Variants in MAPK6 observed in about 807,000 individuals in gnomAD.
The protein encoded by MAPK6 is ERK-3.
Under a neutral mutation model 59.3 loss-of-function variants are expected in MAPK6, and 19 were observed. That is an observed-to-expected ratio of 0.32 (90% CI 0.22 to 0.47). The LOEUF is 0.47. MAPK6 is among the 20% of genes least tolerant of loss of function. MAPK6 has a pLI of 1.00. For missense variants in MAPK6, 724 were observed against 847.9 expected (o/e 0.85, Z 1.81); for synonymous variants, 316 against 290.3 (o/e 1.09, Z -0.90).
intron 1 of MAPK6, chr15:52,035,561 T>C (rs1017205164): frequency 4.0e-5 from 6 of 151,154 alleles, no homozygotes; most frequent in African/African-American, 1.5e-4. Context: ...GAAGCGGAGG[T>C]TGCAGAGAGC....
intron 1 of MAPK6, among the ~76,000 whole-genome samples, chr15:52,023,680 C>A (rs773845105): frequency 6.6e-6 from 1 of 152,250 alleles, no homozygotes; most frequent in Non-Finnish European, 1.5e-5. Context: ...CGCGCCATCT[C>A]GGCTCACTGC....
chr15:52,041,327 G>C (rs537752360), intron 1 of MAPK6, among the ~76,000 whole-genome samples: 2 of 152,248 alleles, frequency 1.3e-5, no homozygotes, highest in South Asian at 4.1e-4. Flanking sequence ...CTCTGGAGTA[G>C]CTGGGATTAC....
rs958595265 is a variant in MAPK6 at position 52,032,013 on chromosome 15, G to A, written c.-632+12637G>A. On this transcript the variant is annotated intron_variant, in intron 1 of 5. Transcript: ENST00000261845. ...CCTCCCGGGTTCATGCCATTCTTCTGCAGCGCCCACCACCACGTCTGGCTA... is the reference window on the plus strand; with the variant it reads ...CCTCCCGGGTTCATGCCATTCTTCTACAGCGCCCACCACCACGTCTGGCTA... 9.3e-5 allele frequency among the ~76,000 whole-genome samples: 14 copies of A among 151,104 alleles called. No homozygotes were observed. The South Asian group carries it at 1.3e-3, about 14-fold the overall frequency.
At chr15:52,056,423 G>A (rs1192508493) in intron 3 of MAPK6, among the ~76,000 whole-genome samples, 1 of 151,884 alleles carries the variant, frequency 6.6e-6, no homozygotes, top group Non-Finnish European at 1.5e-5. Flanking sequence ...CTCGTTGGAT[G>A]TAAAACTTCT....
intron 1 of MAPK6, among the ~76,000 whole-genome samples, chr15:52,040,369 C>T (rs1397828247): frequency 6.6e-6 from 1 of 152,126 alleles, no homozygotes; most frequent in African/African-American, 2.4e-5. Context: ...AAATAAGAGC[C>T]TTTGTGGAGA....
intron 1 of MAPK6, among the ~76,000 whole-genome samples, chr15:52,025,281 A>C (rs140931022): frequency 2.0e-5 from 3 of 152,210 alleles, no homozygotes; most frequent in Non-Finnish European, 2.9e-5. Flanking sequence ...TGATGCATAC[A>C]TGGTTGCTCA....
chr15:51,979,212 A>G (rs900963191), intron 1 of MAPK6, among the ~76,000 whole-genome samples: 7 of 119,458 alleles, frequency 5.9e-5, no homozygotes, highest in African/African-American at 2.2e-4. Context: ...AGGAAAGAAG[A>G]AAGAAAAAAA....
chr15:52,015,618 G>A (rs1183530784), upstream of MAPK6, among the ~76,000 whole-genome samples: 9 of 148,052 alleles, frequency 6.1e-5, no homozygotes, highest in South Asian at 4.6e-4. Flanking sequence ...GCTGGGTGGC[G>A]CACGCCACCA....
intron 1 of MAPK6, among the ~76,000 whole-genome samples, chr15:52,029,478 A>G (rs147480029): frequency 0.015 from 2,345 of 152,208 alleles, 35 homozygotes; most frequent in Middle Eastern, 0.048. Flanking sequence ...CTGTATGTGA[A>G]TAATTCTCAT....
intron 1 of MAPK6, among the ~76,000 whole-genome samples, chr15:52,028,587 T>G (rs1000522849): frequency 6.6e-6 from 1 of 152,256 alleles, no homozygotes; most frequent in Non-Finnish European, 1.5e-5. Context: ...TCAGTGATGC[T>G]AGTCATATTT....
At chr15:52,051,622 C>G (rs977745968) in intron 3 of MAPK6, among the ~76,000 whole-genome samples, 2 of 151,878 alleles carry the variant, frequency 1.3e-5, no homozygotes, top group Non-Finnish European at 2.9e-5. Context: ...GCCTGTAATC[C>G]CAGCACTTTG....
intron 5 of MAPK6, among the ~76,000 whole-genome samples, 153 bp from the exon 6 acceptor site, chr15:52,063,749 G>C (rs986937501): frequency 1.3e-5 from 2 of 152,194 alleles, no homozygotes; most frequent in African/African-American, 4.8e-5. Context: ...TTCCTATCAA[G>C]ACTAAGTTCT....
At chr15:51,984,806 C>A (rs933340533) in intron 2 of MAPK6, among the ~76,000 whole-genome samples, 11 of 152,076 alleles carry the variant, frequency 7.2e-5, no homozygotes, top group Admixed American at 4.6e-4. Flanking sequence ...AAGAGATCTA[C>A]ACAATCAGCT....
At chr15:52,008,706 G>C in intron 3 of MAPK6, among the ~76,000 whole-genome samples, 1 of 152,218 alleles carries the variant, frequency 6.6e-6, no homozygotes. Context: ...TTTGCACGCA[G>C]GGCCCTGTGT....
At chr15:52,019,690 C>T (rs2030432747) in intron 1 of MAPK6, among the ~76,000 whole-genome samples, 1 of 148,952 alleles carries the variant, frequency 6.7e-6, no homozygotes, top group African/African-American at 2.4e-5. Flanking sequence ...GCACGCCCCT[C>T]GCCGGTCGCC....
chr15:52,061,546 G>A lies in MAPK6; in HGVS notation c.1067+46G>A, dbSNP rs767459007. 22 of 1,403,892 alleles carry A rather than the reference G, an allele frequency of 1.6e-5. No individual in the cohort carries two copies. In the African/African-American group the frequency reaches 2.9e-4, roughly 18 times the overall value. 87.0% of individuals were successfully genotyped at this position (1,403,892 alleles called of 1,614,324 possible). ...AAAAATAATATTTACTGAACTTTCA[G>A]TGGACCATATGTAGTGAGTTTTTTT... is the stretch of plus-strand genomic sequence containing the variant. On this transcript the variant is annotated intron_variant, in intron 5 of 5. Coordinates refer to ENST00000261845, the MANE Select transcript of MAPK6 (RefSeq NM_002748.4).
intron 2 of MAPK6, among the ~76,000 whole-genome samples, chr15:51,984,447 A>AT (rs71130112): frequency 0.18 from 12,378 of 69,620 alleles, 2,015 homozygotes; most frequent in Non-Finnish European, 0.2. Flanking sequence ...ACGCCGGCTA[A>AT]TTTTTTTTTT....
chr15:52,004,422 A>G (rs1411735651), intron 3 of MAPK6: 2 of 152,172 alleles, frequency 1.3e-5, no homozygotes, highest in African/African-American at 2.4e-5. Context: ...TCCATTTATT[A>G]TTATAGCGGT....
At chr15:52,038,557 C>G (rs930346889) in intron 1 of MAPK6, among the ~76,000 whole-genome samples, 11 of 152,148 alleles carry the variant, frequency 7.2e-5, no homozygotes, top group African/African-American at 2.7e-4. Flanking sequence ...ATGAGCAAGA[C>G]TTAGATTTTT....
Sources: allele counts gnomAD v4.1 joint callset (sites outside exome capture counted in the v4.1 genomes callset), GRCh38; gene constraint gnomAD v4.1.1; transcripts MANE v1.5; gene names NCBI Gene and HGNC (gene_info 2026-07-23, HGNC 2026-07-21).